Variants in DGKH observed in about 807,000 individuals in gnomAD.
The protein encoded by DGKH is diacylglycerol kinase eta.
In DGKH, 90 loss-of-function variants were observed where a neutral mutation model predicts 159.3. The observed-to-expected ratio is 0.57, with a 90% CI of 0.48 to 0.67. The LOEUF (loss-of-function observed/expected upper bound fraction) is 0.67. DGKH is among the 30% of genes least tolerant of loss of function. The pLI, the probability that DGKH is intolerant of heterozygous loss-of-function variation, is 0.00. For missense variants in DGKH, 1,181 were observed against 1,506.1 expected (o/e 0.78, Z 3.57); for synonymous variants, 536 against 553.8 (o/e 0.97, Z 0.45).
downstream of DGKH, among the ~76,000 whole-genome samples, chr13:42,247,417 G>A (rs190740492): frequency 3.4e-4 from 52 of 152,006 alleles, no homozygotes; most frequent in African/African-American, 1.2e-3. Flanking sequence ...TTTTAGTAGA[G>A]ACGGGGTTTC....
At chr13:42,127,411 T>C in intron 1 of DGKH, 52 bp from the exon 2 acceptor site, 1 of 1,323,670 alleles carries the variant, frequency 7.6e-7, no homozygotes, top group Non-Finnish European at 1.1e-6. Flanking sequence ...TGAATTTCAT[T>C]TGGTTTTGAA....
chr13:42,205,838 C>T (rs1957453893), intron 20 of DGKH, among the ~76,000 whole-genome samples: 1 of 152,022 alleles, frequency 6.6e-6, no homozygotes, highest in Admixed American at 6.6e-5. Context: ...TTTGTAATAA[C>T]TTCTGCTATA....
At chr13:42,126,511 G>A (rs764344166) in intron 1 of DGKH, among the ~76,000 whole-genome samples, 4 of 152,170 alleles carry the variant, frequency 2.6e-5, no homozygotes, top group Non-Finnish European at 5.9e-5. Context: ...AACGCTAGAT[G>A]AGGTCAGAGA....
intron 30 of DGKH, among the ~76,000 whole-genome samples, chr13:42,253,257 T>C (rs1430042061): frequency 6.6e-6 from 1 of 151,632 alleles, no homozygotes; most frequent in East Asian, 1.9e-4. Context: ...GAGAATGGAG[T>C]CCTCGAATGG....
At chr13:42,168,392 A>G in intron 9 of DGKH, 48 bp from the exon 10 acceptor site, 2 of 1,497,054 alleles carry the variant, frequency 1.3e-6, no homozygotes, top group Non-Finnish European at 1.8e-6. Flanking sequence ...AATTGAGGAA[A>G]GTGATTTTTA....
intron 1 of DGKH, among the ~76,000 whole-genome samples, chr13:42,075,583 G>T (rs537294440): frequency 5.1e-4 from 78 of 152,236 alleles, no homozygotes; most frequent in African/African-American, 1.7e-3. Flanking sequence ...CATGCCTGTT[G>T]CTGCTGCTAG....
intron 1 of DGKH, among the ~76,000 whole-genome samples, chr13:42,086,741 A>G (rs1019444819): frequency 2.1e-4 from 32 of 152,162 alleles, no homozygotes; most frequent in African/African-American, 6.8e-4. Flanking sequence ...GAAAGAGGGA[A>G]AAGCAATGTA....
intron 3 of DGKH, among the ~76,000 whole-genome samples, chr13:42,148,431 C>A (rs750452788): frequency 6.6e-6 from 1 of 152,174 alleles, no homozygotes; most frequent in Non-Finnish European, 1.5e-5. Context: ...TCTATGGAAT[C>A]CTTTTTTATC....
intron 3 of DGKH, among the ~76,000 whole-genome samples, 189 bp from the exon 4 acceptor site, chr13:42,155,102 A>T (rs1378437888): frequency 6.6e-6 from 1 of 152,206 alleles, no homozygotes; most frequent in Admixed American, 6.5e-5. Flanking sequence ...TCAGTAGCAA[A>T]AGGATCAAAG....
At chr13:42,228,685 A>G in intron 29 of DGKH, among the ~76,000 whole-genome samples, 1 of 52,292 alleles carries the variant, frequency 1.9e-5, no homozygotes, top group Non-Finnish European at 4.2e-5. Context: ...AAGAGAAAAG[A>G]AAGAGAGAGA....
chr13:42,233,407 A>G lies in DGKH; in HGVS notation c.*4219A>G, dbSNP rs1324334612. 1 of 152,220 alleles carries G rather than the reference A, an allele frequency of 6.6e-6. No homozygotes were observed. The highest frequency in any genetic ancestry group is 1.9e-4 in the East Asian group (1 of 5,196). The allele number at this position is 152,220 out of a possible 1,614,324, so 9.4% of individuals were successfully genotyped here. Reference sequence around the variant, plus strand: ...CTTTAGCAAAATTTCTCAAACGATTAGCACTGGCCTACATCCATTTTATCC... The same window carrying G: ...CTTTAGCAAAATTTCTCAAACGATTGGCACTGGCCTACATCCATTTTATCC... On this transcript the variant is annotated 3_prime_UTR_variant, in exon 30 of 30. Coordinates refer to ENST00000337343, the MANE Select transcript of DGKH (RefSeq NM_178009.5).
At chr13:42,083,941 C>G (rs1040337963) in intron 1 of DGKH, among the ~76,000 whole-genome samples, 10 of 152,180 alleles carry the variant, frequency 6.6e-5, no homozygotes, top group Admixed American at 6.5e-4. Flanking sequence ...GGATGGGCAG[C>G]ATTCCTGCCC....
chr13:42,106,358 A>C (rs949638828), intron 1 of DGKH, among the ~76,000 whole-genome samples: 1 of 152,116 alleles, frequency 6.6e-6, no homozygotes, highest in South Asian at 2.1e-4. Flanking sequence ...TTTATTTGCC[A>C]TGCCTTCCAA....
chr13:42,048,196 C>A (rs1026682295), upstream of DGKH, among the ~76,000 whole-genome samples: 4 of 152,152 alleles, frequency 2.6e-5, no homozygotes, highest in Non-Finnish European at 2.9e-5. This position sits in a 1 kb window ranked among gnomAD's most constrained non-coding sequence, Gnocchi z 6.7. Flanking sequence ...TCAGCTGGAA[C>A]CGCGCGGCGA....
intron 1 of DGKH, among the ~76,000 whole-genome samples, chr13:42,058,986 G>T (rs1326487751): frequency 2.0e-5 from 3 of 152,174 alleles, no homozygotes; most frequent in Non-Finnish European, 2.9e-5. Context: ...GTTTGCTATA[G>T]CAGTTAGCAT....
At position 42,250,888 on chromosome 13, in the gene DGKH, C is replaced by T. The variant is rs1263335420; in HGVS notation, n.4055-1521C>T. Among the ~76,000 whole-genome samples, 18 of 151,944 alleles carry T rather than the reference C, an allele frequency of 1.2e-4. 1 individual carries two copies. The South Asian group carries it at 3.7e-3, about 32-fold the overall frequency. ...ACTCTAATTAGCTTAATTATGATTT[C>T]ATGAGCTATGCAATTTCAATGGGAA... On this transcript the variant is annotated intron_variant and non_coding_transcript_variant, in intron 29 of 30. Transcript: ENST00000498255.
chr13:42,104,753 G>T (rs1954716427), intron 1 of DGKH, among the ~76,000 whole-genome samples: 1 of 152,090 alleles, frequency 6.6e-6, no homozygotes, highest in African/African-American at 2.4e-5. Flanking sequence ...CTCTGCATAG[G>T]ATCTTTCTAT....
intron 1 of DGKH, among the ~76,000 whole-genome samples, chr13:42,081,076 T>G (rs753655050): frequency 6.6e-6 from 1 of 152,220 alleles, no homozygotes; most frequent in African/African-American, 2.4e-5. Context: ...AAATTTACCA[T>G]GCTATATACA....
At chr13:42,043,551 C>T (rs1880639078) in intron 1 of DGKH, among the ~76,000 whole-genome samples, 1 of 151,864 alleles carries the variant, frequency 6.6e-6, no homozygotes, top group Non-Finnish European at 1.5e-5. Flanking sequence ...AGGCTGGTCT[C>T]AAACTTGTGG....
Sources: gnomAD v4.1 joint callset for allele counts (sites outside exome capture counted in the v4.1 genomes callset) on GRCh38, gnomAD v4.1.1 for gene constraint, Gnocchi (gnomAD v3.1) non-coding constraint, MANE v1.5 for transcripts, NCBI Gene and HGNC (gene_info 2026-07-23, HGNC 2026-07-21) for gene names.